The following HCRTR1 variants were observed in gnomAD, a reference collection of about 807,000 sequenced individuals.
The protein encoded by HCRTR1 is orexin/Hypocretin receptor type 1.
A neutral mutation model predicts 40.6 loss-of-function variants in HCRTR1; 28 were observed. The ratio of observed to expected loss-of-function variants is 0.69; its 90% confidence interval spans 0.51 to 0.95. The LOEUF (loss-of-function observed/expected upper bound fraction) is 0.95, where lower values mean the gene tolerates loss of function less well. Ranked by LOEUF, HCRTR1 falls within the 40% of genes least tolerant of loss-of-function variation. The pLI is 0.00. For missense variants in HCRTR1, 482 were observed against 564.7 expected, an observed-to-expected ratio of 0.85 and a Z score of 1.48; for synonymous variants, 209 against 230.0, an observed-to-expected ratio of 0.91 and a Z score of 0.83.
downstream of HCRTR1, among the ~76,000 whole-genome samples, chr1:31,633,960 A>C (rs1241495204): frequency 1.3e-5 from 2 of 152,014 alleles, no homozygotes; most frequent in African/African-American, 2.4e-5. Flanking sequence ...CATCTCAAAA[A>C]AAAAAAAACA....
chr1:31,627,384 C>T lies in HCRTR1; in HGVS notation c.*404C>T, dbSNP rs1488929344. 7.8e-7 allele frequency: 1 copy of T among 1,288,402 alleles called. No homozygotes were observed. The highest frequency in any genetic ancestry group is 5.5e-5 in the East Asian group (1 of 18,264). The allele number at this position is 1,288,402 out of a possible 1,614,324, so 79.8% of individuals were successfully genotyped here. ...CATTTCCATCTTGTTCCATGGCTCC[C>T]TGAAGCCCAGGGCTGCACTTGGCCA... On this transcript the variant is annotated 3_prime_UTR_variant, in exon 9 of 9. Transcript: ENST00000403528.
intron 6 of HCRTR1, among the ~76,000 whole-genome samples, chr1:31,623,042 G>A (rs187338470): frequency 4.7e-4 from 71 of 152,266 alleles, no homozygotes; most frequent in African/African-American, 1.7e-3. Context: ...GAAAATGAAA[G>A]TCTAGGCTGG....
At chr1:31,632,714 G>C, downstream of HCRTR1, 4 of 1,522,644 alleles carry the variant, frequency 2.6e-6, no homozygotes, top group South Asian at 3.7e-5. Context: ...GACCCATTGA[G>C]GCAGCCCTTC....
In HCRTR1 at chr1:31,627,010, G is replaced by T; in HGVS notation, c.*30G>T. On this transcript the variant is annotated 3_prime_UTR_variant, in exon 9 of 9. Transcript: ENST00000403528. ...GGGCTGCCCTGGAGGCTCCGGCTCG[G>T]GGGATCTGCCCCTACCCCTCATGGA... 1.3e-6 allele frequency: 2 copies of T among 1,591,766 alleles called. No homozygotes were observed. The highest frequency in any genetic ancestry group is 8.5e-7 in the Non-Finnish European group (1 of 1,170,926).
chr1:31,626,664 A>ATCCC lies in HCRTR1; in HGVS notation c.1088-113_1088-110dup. On this transcript the variant is annotated intron_variant, in intron 8 of 8. Coordinates refer to ENST00000403528, the MANE Select transcript of HCRTR1 (RefSeq NM_001525.3). The surrounding 1 kb of genome is among the most constrained non-coding windows in gnomAD (Gnocchi z 4.6). ...CCTCAGGGCTCTCCCTCCCAGCTCT[A>ATCCC]TCCCTCCCTCCCTCCCCGCCCCCTC... The ATCCC allele has an allele frequency of 1.2e-6, 1 of 845,618 alleles. No homozygotes were observed. The highest frequency in any genetic ancestry group is 1.8e-5 in the South Asian group (1 of 56,512). 52.4% of individuals were successfully genotyped at this position (845,618 alleles called of 1,614,324 possible). A position where few individuals can be genotyped will look rare whatever the true frequency, so the allele number is the denominator to read the frequency against.
rs142494499 is a variant in HCRTR1, at chr1:31,618,702, G to T, written c.-203-54G>T. On this transcript the variant is annotated intron_variant, in intron 1 of 8. Transcript: ENST00000403528. ...AGCTTCGGTCTCATCTGCAAAGCAGGGTACCCTAATAATGGTAACCGGAAA... is the reference window on the plus strand; with the variant it reads ...AGCTTCGGTCTCATCTGCAAAGCAGTGTACCCTAATAATGGTAACCGGAAA... 25 of 163,808 alleles carry T rather than the reference G, an allele frequency of 1.5e-4. 1 individual carries two copies. In the East Asian group the frequency reaches 4.6e-3, roughly 30 times the overall value. 10.1% of individuals were successfully genotyped at this position (163,808 alleles called of 1,614,324 possible). A position where few individuals can be genotyped will look rare whatever the true frequency, so the allele number is the denominator to read the frequency against.
Position 31,626,734 on chromosome 1 carries a change from G to A in HCRTR1, c.1088-56G>A. On this transcript the variant is annotated intron_variant, in intron 8 of 8. Coordinates refer to ENST00000403528, the MANE Select transcript of HCRTR1 (RefSeq NM_001525.3). The surrounding 1 kb of genome is among the most constrained non-coding windows in gnomAD (Gnocchi z 4.6). ...CTGCGTGGGTGTCCCTGGGCTCAAG[G>A]CCCCTTCCTGCTGCATCTGTCTCCT... 8 of 1,524,490 alleles carry A rather than the reference G, an allele frequency of 5.2e-6. No homozygotes were observed. The highest frequency in any genetic ancestry group is 7.1e-6 in the Non-Finnish European group (8 of 1,127,966). The allele number at this position is 1,524,490 out of a possible 1,614,324, so 94.4% of individuals were successfully genotyped here. A position where few individuals can be genotyped will look rare whatever the true frequency, so the allele number is the denominator to read the frequency against.
Position 31,627,432 on chromosome 1 carries a change from C to T in HCRTR1, c.*452C>T. ...CCAGCTGTTCTGATGCCTGTGTGAA[C>T]TAATCTGGGCCCAGCCTTTCTCCAG... On this transcript the variant is annotated 3_prime_UTR_variant, in exon 9 of 9. Coordinates refer to ENST00000403528, the MANE Select transcript of HCRTR1 (RefSeq NM_001525.3). 9.1e-7 allele frequency: 1 copy of T among 1,103,882 alleles called. No individual in the cohort carries two copies. Among genetic ancestry groups the T allele is most frequent in the South Asian group, 1.3e-5 (1 of 77,294 alleles). 68.4% of individuals were successfully genotyped at this position (1,103,882 alleles called of 1,614,324 possible).
downstream of HCRTR1, among the ~76,000 whole-genome samples, chr1:31,634,178 A>G (rs1039006958): frequency 1.3e-5 from 2 of 152,170 alleles, no homozygotes; most frequent in African/African-American, 4.8e-5. Flanking sequence ...CCTTGGAAAA[A>G]TCCGGGCAGG....
intron 2 of HCRTR1, 92 bp downstream of exon 2, chr1:31,618,908 G>A (rs1639787471): frequency 2.2e-6 from 1 of 452,400 alleles, no homozygotes; most frequent in East Asian, 4.1e-5. Context: ...GTGGAATTGG[G>A]ATGCAACCCA....
Position 31,623,595 on chromosome 1 carries a change from G to A in HCRTR1, c.811G>A (p.Gly271Ser), listed in dbSNP as rs2148610669. Residue 271 changes from glycine (G) to serine (S), a missense_variant, in exon 7 of 9, where the codon GGC becomes AGC. Gly to Ser is a moderately conservative substitution (Grantham distance 56, BLOSUM62 0). Coordinates refer to ENST00000403528, the MANE Select transcript of HCRTR1 (RefSeq NM_001525.3). ...PSDQLGDLEQ[G>S]LSGEPQPRAR... is the part of the protein sequence containing the mutation. ...AGACCAGCTGGGGGACCTGGAGCAG[G>A]GCCTGAGTGGAGAGCCCCAGCCCCG... 1 of 1,613,614 alleles carries A rather than the reference G, an allele frequency of 6.2e-7. No homozygotes were observed. Among genetic ancestry groups the A allele is most frequent in the Non-Finnish European group, 8.5e-7 (1 of 1,179,996 alleles).
rs147546381 is a variant in HCRTR1 at position 31,621,078 on chromosome 1, G to T, written c.614G>T (p.Arg205Leu). ...CGGCTCTTCTCAGTCTGTGATGAAC[G>T]CTGGGCAGGTAATGGTGGAAGCCTC... The part of the protein sequence containing the change: ...RTRLFSVCDE[R>L]WADDLYPKIY... The change falls in exon 5 of 9, where the codon CGC becomes CTC. Residue 205 changes from arginine to leucine, a missense_variant. Coordinates refer to ENST00000403528, the MANE Select transcript of HCRTR1 (RefSeq NM_001525.3). 6.2e-7 allele frequency: 1 copy of T among 1,604,458 alleles called. No individual in the cohort carries two copies.
chr1:31,627,055 A>G lies in HCRTR1; in HGVS notation c.*75A>G. 6.5e-7 allele frequency: 1 copy of G among 1,541,988 alleles called. No homozygotes were observed. The highest frequency in any genetic ancestry group is 2.3e-5 in the East Asian group (1 of 44,378). On this transcript the variant is annotated 3_prime_UTR_variant, in exon 9 of 9. Transcript: ENST00000403528. The stretch of plus-strand genomic sequence containing the variant: ...CATGGAAAGACAGCTGGATGTGGTG[A>G]AAGGCTGTGGCTTCAGTCCTGGGTT...
downstream of HCRTR1, chr1:31,633,280 G>A: frequency 1.9e-6 from 3 of 1,613,918 alleles, no homozygotes; most frequent in Non-Finnish European, 2.5e-6. Flanking sequence ...GGAACCAGGA[G>A]TAGGCCTCAG....
downstream of HCRTR1, among the ~76,000 whole-genome samples, chr1:31,631,254 G>A (rs1640094615): frequency 6.6e-6 from 1 of 152,196 alleles, no homozygotes; most frequent in Admixed American, 6.5e-5. Flanking sequence ...GTCAGCCACT[G>A]GGCAAGTTGC....
chr1:31,620,839 G>A lies in HCRTR1; in HGVS notation c.379-4G>A, dbSNP rs200428248. 1.9e-6 allele frequency: 3 copies of A among 1,612,576 alleles called. No individual in the cohort carries two copies. The highest frequency in any genetic ancestry group is 2.5e-6 in the Non-Finnish European group (3 of 1,179,166). On this transcript the variant is annotated splice_polypyrimidine_tract_variant and splice_region_variant and intron_variant, in intron 4 of 8. Transcript: ENST00000403528. ...ATGACCGACGTTGTGTCCCCGTGGG[G>A]CAGGCTGTGTCCGTGTCAGTGGCAG...
At chr1:31,630,618 G>A (rs1312060461), downstream of HCRTR1, 2 of 1,612,218 alleles carry the variant, frequency 1.2e-6, no homozygotes, top group Admixed American at 1.7e-5. Flanking sequence ...TTGGGTCATA[G>A]CATCCGAGAA....
At chr1:31,633,174 A>T (rs1640161150), downstream of HCRTR1, 1 of 1,613,726 alleles carries the variant, frequency 6.2e-7, no homozygotes. Context: ...ATCATGAGGC[A>T]GGTCTCATCA....
At chr1:31,633,167 A>G (rs753666924), downstream of HCRTR1, 1 of 1,613,372 alleles carries the variant, frequency 6.2e-7, no homozygotes, top group Non-Finnish European at 8.5e-7. Context: ...ACTTATCATC[A>G]TGAGGCAGGT....
Sources: allele counts gnomAD v4.1 joint callset (sites outside exome capture counted in the v4.1 genomes callset), GRCh38; gene constraint gnomAD v4.1.1; non-coding constraint Gnocchi (gnomAD v3.1); transcripts MANE v1.5; gene names NCBI Gene and HGNC (gene_info 2026-07-23, HGNC 2026-07-21).